NR2F1-AS1: variants seen among roughly 807,000 people sequenced by gnomAD.
The protein encoded by NR2F1-AS1 is NR2F1 regulatory antisense RNA 1.
intron 4 of NR2F1-AS1, among the ~76,000 whole-genome samples, chr5:93,537,997 A>G (rs1315951895): frequency 1.3e-5 from 2 of 152,080 alleles, no homozygotes; most frequent in African/African-American, 4.8e-5. Context: ...GCATATATAC[A>G]TAGTCCAGCC....
intron 4 of NR2F1-AS1, among the ~76,000 whole-genome samples, chr5:93,487,771 A>G (rs1384211102): frequency 6.6e-6 from 1 of 152,194 alleles, no homozygotes; most frequent in Non-Finnish European, 1.5e-5. Flanking sequence ...ACCAAAAAAG[A>G]GCCTGTATAG....
At chr5:93,442,669 G>A (rs909170187) in intron 4 of NR2F1-AS1, among the ~76,000 whole-genome samples, 5 of 152,322 alleles carry the variant, frequency 3.3e-5, no homozygotes, top group African/African-American at 7.2e-5. Flanking sequence ...AAACGTCCCT[G>A]TCTGACAGAT....
At chr5:93,533,824 T>A (rs1751782133) in intron 4 of NR2F1-AS1, among the ~76,000 whole-genome samples, 1 of 152,160 alleles carries the variant, frequency 6.6e-6, no homozygotes, top group Non-Finnish European at 1.5e-5. Flanking sequence ...CGTTTAACTT[T>A]ACTGCCTCTC....
intron 4 of NR2F1-AS1, among the ~76,000 whole-genome samples, chr5:93,472,617 A>G (rs1220595403): frequency 6.6e-6 from 1 of 151,868 alleles, no homozygotes; most frequent in Non-Finnish European, 1.5e-5. Context: ...AGGTAGAAAA[A>G]TCTGTGGGTT....
At chr5:93,581,727 T>TCTCTCTCC (rs1753053613), upstream of NR2F1-AS1, among the ~76,000 whole-genome samples, 3 of 44,078 alleles carry the variant, frequency 6.8e-5, no homozygotes, top group African/African-American at 4.1e-4. Flanking sequence ...TCTCTCTCTC[T>TCTCTCTCC]CTCTCTCCCC....
At chr5:93,443,993 CA>C (rs1385956770) in intron 4 of NR2F1-AS1, among the ~76,000 whole-genome samples, 1 of 152,068 alleles carries the variant, frequency 6.6e-6, no homozygotes, top group African/African-American at 2.4e-5. Flanking sequence ...TACAGACAAG[CA>C]AATGCTGAGA....
chr5:93,523,855 C>A (rs1306214782), intron 4 of NR2F1-AS1, among the ~76,000 whole-genome samples: 1 of 151,994 alleles, frequency 6.6e-6, no homozygotes, highest in Non-Finnish European at 1.5e-5. Flanking sequence ...TGAAGGTCAC[C>A]AAAATCCAAG....
chr5:93,575,319 T>C (rs949237113), intron 1 of NR2F1-AS1, among the ~76,000 whole-genome samples: 8 of 152,258 alleles, frequency 5.3e-5, no homozygotes, highest in Admixed American at 5.2e-4. Context: ...ATGTTTTTCT[T>C]TTTGAAGTAA....
Position 93,418,984 on chromosome 5 carries a change from A to G in NR2F1-AS1, n.639-23442T>C, listed in dbSNP as rs561681444. On this transcript the variant is annotated intron_variant and non_coding_transcript_variant, in intron 4 of 5. Transcript: ENST00000660523. Reference sequence around the variant, plus strand: ...TGAGTTCCTCATTATTATTAATCAAATACCTAGCAGTACTACTTCTAGGAA... The same window carrying G: ...TGAGTTCCTCATTATTATTAATCAAGTACCTAGCAGTACTACTTCTAGGAA... Among the ~76,000 whole-genome samples, 98 of 152,344 alleles carry G rather than the reference A, an allele frequency of 6.4e-4. 1 individual carries two copies. Among genetic ancestry groups the G allele is most frequent in the Non-Finnish European group, 1.1e-3 (75 of 68,022 alleles).
intron 2 of NR2F1-AS1, among the ~76,000 whole-genome samples, chr5:93,562,978 G>C (rs1342396330): frequency 2.0e-5 from 3 of 152,134 alleles, no homozygotes; most frequent in Non-Finnish European, 4.4e-5. Flanking sequence ...TCTAACATTG[G>C]TAAGAGAAAA....
At chr5:93,478,252 C>T (rs947257922) in intron 4 of NR2F1-AS1, among the ~76,000 whole-genome samples, 9 of 152,100 alleles carry the variant, frequency 5.9e-5, no homozygotes, top group African/African-American at 2.2e-4. Context: ...CCACAGACTC[C>T]ACCTCTCAGT....
At chr5:93,495,720 C>T (rs1035666424) in intron 4 of NR2F1-AS1, among the ~76,000 whole-genome samples, 2 of 151,908 alleles carry the variant, frequency 1.3e-5, no homozygotes, top group Non-Finnish European at 1.5e-5. Flanking sequence ...TATATACAAA[C>T]ATGATTTGTA....
chr5:93,583,269 G>A (rs1023390421), upstream of NR2F1-AS1: 1 of 147,352 alleles, frequency 6.8e-6, no homozygotes, highest in Non-Finnish European at 1.5e-5. Context: ...TTCAATTTTT[G>A]GGTCTCTCTC....
chr5:93,568,369 T>C lies in NR2F1-AS1; in HGVS notation n.314-4906A>G, dbSNP rs575944701. Among the ~76,000 whole-genome samples the C allele has an allele frequency of 3.9e-5, 6 of 152,336 alleles. No homozygotes were observed. In the South Asian group the frequency reaches 1.2e-3, roughly 32 times the overall value. Reference sequence around the variant, plus strand: ...GTATTTAAATTTATTTGTGCTTCTGTAGAAAGTTATGCACCTTACTATGTC... The same window carrying C: ...GTATTTAAATTTATTTGTGCTTCTGCAGAAAGTTATGCACCTTACTATGTC... On this transcript the variant is annotated intron_variant and non_coding_transcript_variant, in intron 1 of 5. Transcript: ENST00000660523.
At chr5:93,521,121 A>G in intron 4 of NR2F1-AS1, among the ~76,000 whole-genome samples, 1 of 152,116 alleles carries the variant, frequency 6.6e-6, no homozygotes, top group African/African-American at 2.4e-5. Context: ...AATGGGGAAA[A>G]GACTCGCTAT....
At chr5:93,463,485 C>T (rs528924612) in intron 4 of NR2F1-AS1, among the ~76,000 whole-genome samples, 3 of 152,286 alleles carry the variant, frequency 2.0e-5, no homozygotes, top group Admixed American at 6.5e-5. Context: ...ACAGAGAGTC[C>T]CCACTGGGGC....
At position 93,491,435 on chromosome 5, in the gene NR2F1-AS1, A is replaced by C. The variant is rs556900256; in HGVS notation, n.638+62326T>G. Among the ~76,000 whole-genome samples, 8 of 152,022 alleles carry C rather than the reference A, an allele frequency of 5.3e-5. No homozygotes were observed. The East Asian group carries it at 9.6e-4, about 18-fold the overall frequency. ...CCTAGCTAAAGTGATAACAGAATGA[A>C]GTTCTGGAAACCAAAATTTTTTTTT... On this transcript the variant is annotated intron_variant and non_coding_transcript_variant, in intron 4 of 5. Coordinates refer to ENST00000660523, the Ensembl canonical transcript of NR2F1-AS1.
intron 4 of NR2F1-AS1, among the ~76,000 whole-genome samples, chr5:93,530,075 C>CTTTTTTTT (rs1227046832): frequency 9.2e-5 from 9 of 97,922 alleles, no homozygotes; most frequent in South Asian, 3.8e-4. Flanking sequence ...AATTTGAAGG[C>CTTTTTTTT]TTTTTTTTTT....
intron 2 of NR2F1-AS1, among the ~76,000 whole-genome samples, chr5:93,556,525 T>C (rs142623143): frequency 1.2e-4 from 18 of 152,288 alleles, no homozygotes; most frequent in Admixed American, 1.2e-3. Context: ...CCGACTCCTG[T>C]GAATGTGACC....
Sources: allele counts gnomAD v4.1 joint callset (sites outside exome capture counted in the v4.1 genomes callset), GRCh38; gene constraint gnomAD v4.1.1; transcripts MANE v1.5; gene names NCBI Gene and HGNC (gene_info 2026-07-23, HGNC 2026-07-21).